AVEN: variants seen among roughly 807,000 people sequenced by gnomAD.
The protein encoded by AVEN is apoptosis and caspase activation inhibitor.
In AVEN, 41 loss-of-function variants were observed where a neutral mutation model predicts 38.1. That is an observed-to-expected ratio of 1.08 (90% CI 0.84 to 1.40). AVEN has a LOEUF of 1.40. AVEN is among the 40% of genes most tolerant of loss of function. The probability of loss-of-function intolerance (pLI) is 0.00; values close to 1 mark genes in which losing one functional copy is unlikely to be tolerated. For synonymous variants in AVEN, 206 were observed against 171.8 expected (o/e 1.20, Z -1.56); for missense variants, 605 against 438.8 (o/e 1.38, Z -3.38).
intron 2 of AVEN, among the ~76,000 whole-genome samples, chr15:33,940,788 C>T (rs1217823220): frequency 6.6e-6 from 1 of 152,164 alleles, no homozygotes; most frequent in Non-Finnish European, 1.5e-5. Flanking sequence ...GATCCACCCA[C>T]TTTGGCCTCC....
intron 5 of AVEN, chr15:34,062,571 A>AAAAG (rs1567493862): frequency 2.2e-5 from 15 of 668,468 alleles, no homozygotes; most frequent in African/African-American, 5.6e-5. Flanking sequence ...AAAAAAAAAA[A>AAAAG]AAACTATAAA....
intron 2 of AVEN, among the ~76,000 whole-genome samples, chr15:33,984,407 G>GT (rs11363064): frequency 2.3e-3 from 336 of 148,116 alleles, no homozygotes; most frequent in East Asian, 7.7e-3. Context: ...TGATGGTAGG[G>GT]TTTTTTTTTT....
At chr15:33,865,989 G>A (rs553365907), downstream of AVEN, 1 of 152,946 alleles carries the variant, frequency 6.5e-6, no homozygotes, top group South Asian at 2.1e-4. Flanking sequence ...TCAACCTTAT[G>A]CCAAAATGGA....
intron 2 of AVEN, among the ~76,000 whole-genome samples, chr15:33,953,850 G>A (rs972776376): frequency 6.6e-6 from 1 of 152,088 alleles, no homozygotes; most frequent in African/African-American, 2.4e-5. Context: ...GAGTGAACAG[G>A]CAACCTATAC....
chr15:33,906,850 C>T (rs1892722118), intron 2 of AVEN, among the ~76,000 whole-genome samples: 2 of 152,040 alleles, frequency 1.3e-5, no homozygotes, highest in Non-Finnish European at 2.9e-5. Flanking sequence ...ACACCTAATA[C>T]CACTCAACTG....
chr15:33,954,441 G>T (rs1375722173), intron 2 of AVEN, among the ~76,000 whole-genome samples: 1 of 152,152 alleles, frequency 6.6e-6, no homozygotes, highest in Non-Finnish European at 1.5e-5. Context: ...AGAAAATGTG[G>T]CACATATACA....
At chr15:33,891,556 G>T (rs1397298476) in intron 2 of AVEN, among the ~76,000 whole-genome samples, 1 of 152,114 alleles carries the variant, frequency 6.6e-6, no homozygotes, top group Non-Finnish European at 1.5e-5. Flanking sequence ...CAAAGAACAT[G>T]AACTCATCCT....
At chr15:33,923,857 G>C (rs1893504938) in intron 2 of AVEN, among the ~76,000 whole-genome samples, 1 of 151,302 alleles carries the variant, frequency 6.6e-6, no homozygotes, top group South Asian at 2.1e-4. Flanking sequence ...GAGGGATCCA[G>C]GTTGCTACTC....
At chr15:33,855,783 T>G (rs922334673), downstream of AVEN, 1 of 152,152 alleles carries the variant, frequency 6.6e-6, no homozygotes, top group African/African-American at 2.4e-5. Context: ...AATCAAGAAA[T>G]TGACTCTGAC....
intron 2 of AVEN, among the ~76,000 whole-genome samples, chr15:33,963,156 A>G (rs576926076): frequency 1.3e-5 from 2 of 152,290 alleles, no homozygotes; most frequent in African/African-American, 4.8e-5. Context: ...GTAAAATTAA[A>G]TTAAATTCCA....
chr15:33,987,204 G>A (rs1212526135), intron 2 of AVEN, among the ~76,000 whole-genome samples: 1 of 152,216 alleles, frequency 6.6e-6, no homozygotes. Flanking sequence ...CTCCACATAT[G>A]ACAGTGACTA....
rs1283105926 is a variant in AVEN at position 33,904,697 on chromosome 15, AT to A, written c.446-28703del. 4.7e-4 allele frequency among the ~76,000 whole-genome samples: 51 copies of A among 108,214 alleles called. No homozygotes were observed. In the South Asian group the frequency reaches 0.012, roughly 26 times the overall value. The allele number at this position is 108,214 out of a possible 152,430, so 71.0% of individuals were successfully genotyped here. On this transcript the variant is annotated intron_variant, in intron 2 of 5. Coordinates refer to ENST00000306730, the MANE Select transcript of AVEN (RefSeq NM_020371.3). ...ACTGTTTCTTTAAAAAAAAAAAAATATATATATATATATATATATACACACA... is the reference window on the plus strand; with the variant it reads ...ACTGTTTCTTTAAAAAAAAAAAAATAATATATATATATATATATACACACA...
At chr15:33,888,795 G>A (rs927007312) in intron 2 of AVEN, among the ~76,000 whole-genome samples, 2 of 152,054 alleles carry the variant, frequency 1.3e-5, no homozygotes, top group African/African-American at 4.8e-5. Context: ...TCTGTCACCA[G>A]ACTGGAGTGC....
chr15:33,924,319 G>A (rs1053692994), intron 2 of AVEN, among the ~76,000 whole-genome samples: 1 of 151,052 alleles, frequency 6.6e-6, no homozygotes, highest in African/African-American at 2.4e-5. Context: ...GCAGTGAGCC[G>A]AGATCATGCC....
intron 2 of AVEN, among the ~76,000 whole-genome samples, chr15:33,914,080 T>C (rs969329616): frequency 6.6e-6 from 1 of 152,210 alleles, no homozygotes; most frequent in South Asian, 2.1e-4. Context: ...TGAATAGAAT[T>C]ATACCCATAG....
chr15:33,902,026 T>C (rs1892516174), intron 2 of AVEN, among the ~76,000 whole-genome samples: 1 of 152,238 alleles, frequency 6.6e-6, no homozygotes, highest in Non-Finnish European at 1.5e-5. Flanking sequence ...AGAAGCCTAA[T>C]TTGATATAGT....
intron 2 of AVEN, among the ~76,000 whole-genome samples, chr15:33,985,075 T>G (rs533769481): frequency 2.0e-5 from 3 of 152,032 alleles, no homozygotes; most frequent in Non-Finnish European, 2.9e-5. Context: ...CACACTGAAC[T>G]GTATTTGTTG....
At chr15:33,854,137 A>C (rs892570047), downstream of AVEN, among the ~76,000 whole-genome samples, 1 of 151,330 alleles carries the variant, frequency 6.6e-6, no homozygotes, top group African/African-American at 2.4e-5. Flanking sequence ...TGGAGGTTGC[A>C]GTAAGCCAAG....
intron 1 of AVEN, chr15:34,007,008 C>T (rs1483248985): frequency 2.1e-6 from 2 of 947,432 alleles, no homozygotes; most frequent in East Asian, 1.2e-4. Context: ...AATATTGTTA[C>T]AAAATTAGTC....
Sources: gnomAD v4.1 joint callset for allele counts (sites outside exome capture counted in the v4.1 genomes callset) on GRCh38, gnomAD v4.1.1 for gene constraint, MANE v1.5 for transcripts, NCBI Gene and HGNC (gene_info 2026-07-23, HGNC 2026-07-21) for gene names.